The following DSTYK variants were observed in gnomAD, a reference collection of about 807,000 sequenced individuals.
The protein encoded by DSTYK is RIP-homologous kinase.
In DSTYK, 34 loss-of-function variants were observed where a neutral mutation model predicts 98.7. That is an observed-to-expected ratio of 0.34 (90% CI 0.26 to 0.46). The LOEUF is 0.46. Ranked by LOEUF, DSTYK falls within the 20% of genes least tolerant of loss-of-function variation. DSTYK has a pLI of 1.00. For missense variants in DSTYK, 962 were observed against 1,181.7 expected, an observed-to-expected ratio of 0.81 and a Z score of 2.73; for synonymous variants, 462 against 457.3, an observed-to-expected ratio of 1.01 and a Z score of -0.13.
chr1:205,159,807 C>T lies in DSTYK; in HGVS notation c.2106-128G>A, dbSNP rs981722894. Reference sequence around the variant, plus strand: ...GGTCCAGAGGTAATGGCCCTCAGTGCAGACAGAGCCCTCAGTACAGACAGA... The same window carrying T: ...GGTCCAGAGGTAATGGCCCTCAGTGTAGACAGAGCCCTCAGTACAGACAGA... On this transcript the variant is annotated intron_variant, in intron 8 of 12. Transcript: ENST00000367162. The T allele has an allele frequency of 2.6e-5, 31 of 1,172,454 alleles. No individual in the cohort carries two copies. In the South Asian group the frequency reaches 4.5e-4, roughly 17 times the overall value. 72.6% of individuals were successfully genotyped at this position (1,172,454 alleles called of 1,614,324 possible).
chr1:205,183,667 A>G (rs974287494), intron 2 of DSTYK, among the ~76,000 whole-genome samples: 1 of 152,286 alleles, frequency 6.6e-6, no homozygotes, highest in Admixed American at 6.5e-5. Flanking sequence ...TTTAGAGCTA[A>G]CTCACTGGTC....
rs113969944 is a variant in DSTYK, at chr1:205,195,164, T to C, written c.266-7358A>G. 6.4e-3 allele frequency among the ~76,000 whole-genome samples: 975 copies of C among 152,226 alleles called. 18 individuals carry two copies. Among genetic ancestry groups the C allele is most frequent in the African/African-American group, 0.022 (929 of 41,530 alleles). Reference sequence around the variant, plus strand: ...TCTAACATTGAATTTTCCATGCTTTTATGGGAAGTCAACTTAAGTCCCCTC... The same window carrying C: ...TCTAACATTGAATTTTCCATGCTTTCATGGGAAGTCAACTTAAGTCCCCTC... On this transcript the variant is annotated intron_variant, in intron 1 of 12. Coordinates refer to ENST00000367162, the MANE Select transcript of DSTYK (RefSeq NM_015375.3).
Position 205,157,145 on chromosome 1 carries a change from C to T in DSTYK, c.2352+128G>A, listed in dbSNP as rs935963830. ...GTCTTAGGTATGTCTTTACTAGCAG[C>T]GTGAGAATGGACTAATACACTTTCT... On this transcript the variant is annotated intron_variant, in intron 10 of 12. Transcript: ENST00000367162. 5.5e-5 allele frequency: 38 copies of T among 693,986 alleles called. No individual in the cohort carries two copies. The Admixed American group carries it at 5.7e-4, about 10-fold the overall frequency. The allele number at this position is 693,986 out of a possible 1,614,324, so 43.0% of individuals were successfully genotyped here. A position where few individuals can be genotyped will look rare whatever the true frequency, so the allele number is the denominator to read the frequency against.
rs756860232 is a variant in DSTYK, at chr1:205,162,932, T to G, written c.1632A>C (p.Gln544His). The change falls in exon 5 of 13, where the codon CAA becomes CAC. Residue 544 changes from glutamine to histidine, a missense_variant. This residue lies in a region of DSTYK where 660 missense variants were observed against 855.0 expected (regional missense o/e 0.77). Coordinates refer to ENST00000367162, the MANE Select transcript of DSTYK (RefSeq NM_015375.3). ...AAGTAATAATCCCTACCTGTTTGAT[T>G]TGCTCCCATAGCATCCTTGTAACTG... Reference protein sequence around the residue: ...GSSVTRMLWEQIKQIIQRITW... With the variant: ...GSSVTRMLWEHIKQIIQRITW... 6.2e-7 allele frequency: 1 copy of G among 1,613,120 alleles called. No homozygotes were observed.
intron 1 of DSTYK, among the ~76,000 whole-genome samples, chr1:205,207,091 T>TC (rs1294573528): frequency 2.6e-5 from 4 of 151,282 alleles, no homozygotes; most frequent in Non-Finnish European, 4.4e-5. Context: ...TTTTTTTTTT[T>TC]TTTTTGAGAC....
intron 1 of DSTYK, among the ~76,000 whole-genome samples, chr1:205,195,928 G>A (rs983094736): frequency 1.3e-5 from 2 of 152,230 alleles, no homozygotes; most frequent in African/African-American, 4.8e-5. Context: ...TAACGTATGG[G>A]ACGCAGAGAT....
chr1:205,160,785 GTTGT>G (rs1308557044), intron 7 of DSTYK, among the ~76,000 whole-genome samples: 1 of 143,486 alleles, frequency 7.0e-6, no homozygotes, highest in East Asian at 2.6e-4. Flanking sequence ...TTTGTTTTTT[GTTGT>G]TTTTTTTTTT....
At chr1:205,180,750 C>T (rs1448570222) in intron 2 of DSTYK, among the ~76,000 whole-genome samples, 2 of 152,182 alleles carry the variant, frequency 1.3e-5, no homozygotes, top group African/African-American at 4.8e-5. Context: ...CAGGCGTGAG[C>T]CACTGTGCCC....
Position 205,169,483 on chromosome 1 carries a change from T to A in DSTYK, c.1004A>T (p.Glu335Val), listed in dbSNP as rs748968553. The A allele has an allele frequency of 6.2e-7, 1 of 1,614,116 alleles. No individual in the cohort carries two copies. The highest frequency in any genetic ancestry group is 1.1e-5 in the South Asian group (1 of 91,084). The change falls in exon 3 of 13, where the codon GAA (glutamate) becomes GTA (valine). Residue 335 changes from glutamate to valine, a missense_variant. Physicochemically the swap from Glu to Val is moderately radical, Grantham distance 121. Transcript: ENST00000367162. The surrounding 1 kb of genome is among the most constrained non-coding windows in gnomAD (Gnocchi z 4.0). ...QDTKAQSMLV[E>V]QSEKLRHLST... ...CAAGTGTCTCAGCTTTTCACTCTGT[T>A]CCACCAACATGCTCTGAGCTTTAGT... is the stretch of plus-strand genomic sequence containing the variant.
At chr1:205,206,004 C>T (rs1003032124) in intron 1 of DSTYK, among the ~76,000 whole-genome samples, 1 of 152,230 alleles carries the variant, frequency 6.6e-6, no homozygotes, top group Admixed American at 6.5e-5. Context: ...TTATACCTTT[C>T]TAGAGGACCA....
intron 1 of DSTYK, among the ~76,000 whole-genome samples, chr1:205,201,710 C>T (rs1324410800): frequency 6.6e-6 from 1 of 152,074 alleles, no homozygotes; most frequent in Non-Finnish European, 1.5e-5. Context: ...TACTCTTTAC[C>T]CTTAGGGGTA....
At position 205,211,441 on chromosome 1, in the gene DSTYK, C is replaced by A; in HGVS notation, c.95G>T (p.Gly32Val). 2 of 1,603,356 alleles carry A rather than the reference C, an allele frequency of 1.2e-6. No homozygotes were observed. The highest frequency in any genetic ancestry group is 1.7e-6 in the Non-Finnish European group (2 of 1,177,546). ...GMIRELCRGFGRYRRYLGRLR... is the reference protein window; with the variant it reads ...GMIRELCRGFVRYRRYLGRLR... ...CCGTCCCAGGTAGCGGCGGTAGCGG[C>A]CGAAGCCCCGGCACAGCTCGCGGAT... Residue 32 changes from glycine to valine, a missense_variant, in exon 1 of 13, where the codon GGC (glycine) becomes GTC (valine). Physicochemically the swap from Gly to Val is moderately radical, Grantham distance 109. Transcript: ENST00000367162.
In DSTYK at chr1:205,155,387, C is replaced by T. The variant is rs369157359; in HGVS notation, c.2352+1886G>A. On this transcript the variant is annotated intron_variant, in intron 10 of 12. Transcript: ENST00000367162. ...TGATAGAAAAGAAAACCTATTTTCT[C>T]GCTGGGTGCAGTGCCTCACGCCTAA... is the stretch of plus-strand genomic sequence containing the variant. Among the ~76,000 whole-genome samples, 15 of 151,954 alleles carry T rather than the reference C, an allele frequency of 9.9e-5. No individual in the cohort carries two copies. The East Asian group carries it at 2.2e-3, about 22-fold the overall frequency.
At position 205,202,892 on chromosome 1, in the gene DSTYK, CT is replaced by C. The variant is rs537971001; in HGVS notation, c.265+8378del. ...TTCATATTCCCCTTTATTTCTGTAA[CT>C]TTTTTTTAGGTTTTATTCTGAAAGG... is the stretch of plus-strand genomic sequence containing the variant. On this transcript the variant is annotated intron_variant, in intron 1 of 12. Transcript: ENST00000367162. 1.4e-4 allele frequency: 45 copies of C among 319,918 alleles called. 1 individual carries two copies. The East Asian group carries it at 2.0e-3, about 14-fold the overall frequency. 19.8% of individuals were successfully genotyped at this position (319,918 alleles called of 1,614,324 possible).
intron 3 of DSTYK, among the ~76,000 whole-genome samples, chr1:205,165,317 C>T (rs1468308591): frequency 6.6e-6 from 1 of 152,062 alleles, no homozygotes; most frequent in African/African-American, 2.4e-5. Context: ...TCTTGAACTC[C>T]TGACCTCAGG....
chr1:205,204,899 T>A (rs1418877924), intron 1 of DSTYK, among the ~76,000 whole-genome samples: 1 of 152,140 alleles, frequency 6.6e-6, no homozygotes, highest in Non-Finnish European at 1.5e-5. Context: ...GAACCCAAGA[T>A]TCAAATAGGT....
At position 205,169,125 on chromosome 1, in the gene DSTYK, T is replaced by C. The variant is rs764123228; in HGVS notation, c.1324+38A>G. 14 of 1,514,904 alleles carry C rather than the reference T, an allele frequency of 9.2e-6. No individual in the cohort carries two copies. The East Asian group carries it at 3.2e-4, about 34-fold the overall frequency. 93.8% of individuals were successfully genotyped at this position (1,514,904 alleles called of 1,614,324 possible). On this transcript the variant is annotated intron_variant, in intron 3 of 12. Coordinates refer to ENST00000367162, the MANE Select transcript of DSTYK (RefSeq NM_015375.3). The surrounding 1 kb of genome is among the most constrained non-coding windows in gnomAD (Gnocchi z 4.0). Reference sequence around the variant, plus strand: ...CGGCTAGAAAATGGTTAGAGACTCCTCCCGTGCCAGCACCCCAACAAGCTC... The same window carrying C: ...CGGCTAGAAAATGGTTAGAGACTCCCCCCGTGCCAGCACCCCAACAAGCTC...
chr1:205,183,067 G>GAAA lies in DSTYK; in HGVS notation c.654+4348_654+4350dup, dbSNP rs3076771. 9.3e-4 allele frequency among the ~76,000 whole-genome samples: 132 copies of GAAA among 142,222 alleles called. 1 individual carries two copies. The highest frequency in any genetic ancestry group is 6.0e-3 in the East Asian group (30 of 5,018). 93.3% of individuals were successfully genotyped at this position (142,222 alleles called of 152,430 possible). On this transcript the variant is annotated intron_variant, in intron 2 of 12. Coordinates refer to ENST00000367162, the MANE Select transcript of DSTYK (RefSeq NM_015375.3). The stretch of plus-strand genomic sequence containing the variant: ...TTCCTTTTCTTATAGGTGTTCACAG[G>GAAA]AAAAAAAAAAAAGCACACACACACA...
chr1:205,204,481 CA>C (rs1574804294), intron 1 of DSTYK, among the ~76,000 whole-genome samples: 1 of 151,798 alleles, frequency 6.6e-6, no homozygotes, highest in Non-Finnish European at 1.5e-5. Context: ...CACACACACA[CA>C]ACCACTCAAA....
Sources: gnomAD v4.1 joint callset for allele counts (sites outside exome capture counted in the v4.1 genomes callset) on GRCh38, gnomAD v4.1.1 for gene constraint, gnomAD v4.1.1 regional missense constraint, Gnocchi (gnomAD v3.1) non-coding constraint, MANE v1.5 for transcripts, NCBI Gene and HGNC (gene_info 2026-07-23, HGNC 2026-07-21) for gene names.